NALF1: variants seen among roughly 807,000 people sequenced by gnomAD.
The protein encoded by NALF1 is NALCN channel auxiliary factor 1, also known as family with sequence similarity 155 member A.
A neutral mutation model predicts 48.4 loss-of-function variants in NALF1; 3 were observed. The ratio of observed to expected loss-of-function variants is 0.06; its 90% CI spans 0.03 to 0.16. The LOEUF (loss-of-function observed/expected upper bound fraction) is 0.16, where lower values mean the gene tolerates loss of function less well. NALF1 is among the 10% of genes least tolerant of loss of function. The pLI, the probability that NALF1 is intolerant of heterozygous loss-of-function variation, is 1.00. For missense variants in NALF1, 526 were observed against 571.5 expected (o/e 0.92, Z 0.81); for synonymous variants, 262 against 245.7 (o/e 1.07, Z -0.62).
chr13:107,660,067 A>G lies in NALF1; in HGVS notation c.915+205615T>C, dbSNP rs527895507. 1.4e-4 allele frequency among the ~76,000 whole-genome samples: 22 copies of G among 152,234 alleles called. 1 individual carries two copies. The East Asian group carries it at 4.1e-3, about 28-fold the overall frequency. ...GTAAAGTAGAAGAAATTCTGAGTCT[A>G]ATGAAGGCTTGAAGTAATATCTGCC... On this transcript the variant is annotated intron_variant, in intron 1 of 2. Transcript: ENST00000375915.
chr13:107,588,013 AC>A (rs1878505960), intron 1 of NALF1, among the ~76,000 whole-genome samples: 1 of 152,102 alleles, frequency 6.6e-6, no homozygotes. Context: ...TGCTTACTTT[AC>A]CAAGAGACTT....
At chr13:107,315,099 A>T (rs773876043) in intron 1 of NALF1, among the ~76,000 whole-genome samples, 9 of 152,148 alleles carry the variant, frequency 5.9e-5, no homozygotes, top group Non-Finnish European at 1.0e-4. Context: ...AAACAAAATT[A>T]AAAATATGAC....
intron 1 of NALF1, among the ~76,000 whole-genome samples, chr13:107,671,841 T>A (rs1036050504): frequency 1.3e-4 from 20 of 152,166 alleles, no homozygotes; most frequent in Non-Finnish European, 1.5e-5. Context: ...GACTGTCCTA[T>A]GCCTGGAAGA....
rs147643325 is a variant in NALF1, at chr13:107,857,498, C to G, written c.915+8184G>C. Among the ~76,000 whole-genome samples, 7 of 152,280 alleles carry G rather than the reference C, an allele frequency of 4.6e-5. No individual in the cohort carries two copies. In the East Asian group the frequency reaches 1.4e-3, roughly 29 times the overall value. On this transcript the variant is annotated intron_variant, in intron 1 of 2. Transcript: ENST00000375915. ...GGAGGATCACTACAATGGTTTCTCC[C>G]CTTGTCCTCTCAAAAAGGCTGTGAA...
intron 1 of NALF1, among the ~76,000 whole-genome samples, chr13:107,669,714 T>C (rs1042317234): frequency 5.3e-5 from 8 of 152,148 alleles, no homozygotes; most frequent in Admixed American, 2.0e-4. Context: ...CATGTGCTCA[T>C]TGTAGTAACT....
At chr13:107,580,586 T>C (rs1036646475) in intron 1 of NALF1, among the ~76,000 whole-genome samples, 3 of 152,154 alleles carry the variant, frequency 2.0e-5, no homozygotes, top group Admixed American at 2.0e-4. Flanking sequence ...TTATTTTCGG[T>C]ATGTCAGATT....
chr13:107,263,111 G>A (rs927164166), intron 1 of NALF1, among the ~76,000 whole-genome samples: 7 of 152,036 alleles, frequency 4.6e-5, no homozygotes, highest in African/African-American at 1.7e-4. Context: ...GAAAAGTACT[G>A]CATCCCTTGA....
chr13:107,369,530 T>C (rs1444164213), intron 1 of NALF1, among the ~76,000 whole-genome samples: 3 of 152,100 alleles, frequency 2.0e-5, no homozygotes, highest in East Asian at 3.9e-4. Context: ...TACTTAATAA[T>C]AAGTTTAATA....
chr13:107,473,145 C>T (rs1885127176), intron 1 of NALF1, among the ~76,000 whole-genome samples: 1 of 152,220 alleles, frequency 6.6e-6, no homozygotes, highest in Non-Finnish European at 1.5e-5. Context: ...GATTCTCCCT[C>T]TGGAATACCA....
chr13:107,382,486 C>T (rs1010217202), intron 1 of NALF1, among the ~76,000 whole-genome samples: 1 of 152,200 alleles, frequency 6.6e-6, no homozygotes, highest in African/African-American at 2.4e-5. Context: ...TTACCCTTCA[C>T]TCAGCTTCTC....
At chr13:107,436,514 C>T (rs574885753) in intron 1 of NALF1, among the ~76,000 whole-genome samples, 5 of 152,178 alleles carry the variant, frequency 3.3e-5, no homozygotes, top group African/African-American at 7.2e-5. Flanking sequence ...AAGCATTTGA[C>T]AAAATTCAGT....
At position 107,866,755 on chromosome 13, in the gene NALF1, CCTCTCT is replaced by C; in HGVS notation, c.-165_-160del. 8.9e-6 allele frequency: 5 copies of C among 562,792 alleles called. No individual in the cohort carries two copies. The highest frequency in any genetic ancestry group is 4.3e-5 in the South Asian group (2 of 46,950). The allele number at this position is 562,792 out of a possible 1,614,324, so 34.9% of individuals were successfully genotyped here. A position where few individuals can be genotyped will look rare whatever the true frequency, so the allele number is the denominator to read the frequency against. ...TCTCTCTCTTCCCCTCTCCCTCTCT[CCTCTCT>C]CTCTCTCTCCCTCTCCCTCTCTTTT... On this transcript the variant is annotated 5_prime_UTR_variant, in exon 1 of 3. Coordinates refer to ENST00000375915, the MANE Select transcript of NALF1 (RefSeq NM_001080396.3). This position sits in a 1 kb window ranked among gnomAD's most constrained non-coding sequence, Gnocchi z 4.4.
intron 1 of NALF1, among the ~76,000 whole-genome samples, chr13:107,644,650 T>C (rs962416755): frequency 1.4e-5 from 2 of 140,594 alleles, no homozygotes; most frequent in African/African-American, 2.5e-5. Flanking sequence ...TACATACATA[T>C]ATATATATAT....
At chr13:107,776,223 G>A (rs1877725982) in intron 1 of NALF1, among the ~76,000 whole-genome samples, 1 of 152,204 alleles carries the variant, frequency 6.6e-6, no homozygotes, top group African/African-American at 2.4e-5. Context: ...AATTGTCTCA[G>A]CTATGGAGTC....
At chr13:107,253,025 T>C (rs949870220) in intron 1 of NALF1, among the ~76,000 whole-genome samples, 4 of 152,228 alleles carry the variant, frequency 2.6e-5, no homozygotes, top group African/African-American at 9.6e-5. Flanking sequence ...ATTTCTATTA[T>C]TTAATGACAT....
At chr13:107,577,077 G>A (rs563989350) in intron 1 of NALF1, among the ~76,000 whole-genome samples, 1 of 152,238 alleles carries the variant, frequency 6.6e-6, no homozygotes, top group South Asian at 2.1e-4. Context: ...CTGGGAGTGG[G>A]CAAACCAGGC....
intron 1 of NALF1, among the ~76,000 whole-genome samples, chr13:107,508,032 C>T (rs957425462): frequency 6.6e-6 from 1 of 152,110 alleles, no homozygotes; most frequent in Non-Finnish European, 1.5e-5. Flanking sequence ...AATAAGCTAT[C>T]CTGTTCTGTC....
At chr13:107,178,988 T>G (rs1436851978) in intron 2 of NALF1, among the ~76,000 whole-genome samples, 2 of 151,882 alleles carry the variant, frequency 1.3e-5, no homozygotes, top group Non-Finnish European at 2.9e-5. Flanking sequence ...AGCTACCATA[T>G]GATCCATCAA....
intron 1 of NALF1, among the ~76,000 whole-genome samples, chr13:107,862,698 A>G (rs915633667): frequency 1.1e-4 from 16 of 152,134 alleles, no homozygotes; most frequent in African/African-American, 3.6e-4. Flanking sequence ...AGCAATTACT[A>G]TAAGTTTGAG....
Sources: gnomAD v4.1 joint callset for allele counts (sites outside exome capture counted in the v4.1 genomes callset) on GRCh38, gnomAD v4.1.1 for gene constraint, Gnocchi (gnomAD v3.1) non-coding constraint, MANE v1.5 for transcripts, NCBI Gene and HGNC (gene_info 2026-07-23, HGNC 2026-07-21) for gene names.